Variants in WDHD1 observed in about 807,000 individuals in gnomAD.
The protein encoded by WDHD1 is WD repeat and HMG-box DNA binding protein 1.
WDHD1 carries 111 observed loss-of-function variants against 135.4 expected under a neutral mutation model. The observed-to-expected ratio is 0.82, with a 90% CI of 0.70 to 0.96. WDHD1 has a LOEUF of 0.96. Among genes scored for constraint, WDHD1 ranks in the 40% least tolerant of loss-of-function variants. WDHD1 has a pLI of 0.00. For missense variants in WDHD1, 1,351 were observed against 1,336.3 expected (o/e 1.01, Z -0.17); for synonymous variants, 434 against 439.0 (o/e 0.99, Z 0.14).
intron 16 of WDHD1, among the ~76,000 whole-genome samples, chr14:54,968,912 T>C (rs978116668): frequency 6.6e-6 from 1 of 152,148 alleles, no homozygotes; most frequent in Non-Finnish European, 1.5e-5. Flanking sequence ...TGTGGTGGTG[T>C]GTATCTGTAG....
chr14:54,984,087 T>C (rs1203030606), intron 15 of WDHD1, among the ~76,000 whole-genome samples: 1 of 152,260 alleles, frequency 6.6e-6, no homozygotes, highest in Admixed American at 6.5e-5. Context: ...GTTTTCTGTA[T>C]GATCTGCTGG....
rs1004309832 is a variant in WDHD1 at position 55,027,079 on chromosome 14, C to G, written c.-68G>C. ...GGATCCACAAGAGCTGCTTCCCGCG[C>G]TTCGGCTCGCTCACCACACTGCGCC... On this transcript the variant is annotated 5_prime_UTR_variant, in exon 1 of 26. Coordinates refer to ENST00000360586, the MANE Select transcript of WDHD1 (RefSeq NM_007086.4). 1 of 391,820 alleles carries G rather than the reference C, an allele frequency of 2.6e-6. No homozygotes were observed. Among genetic ancestry groups the G allele is most frequent in the African/African-American group, 2.0e-5 (1 of 49,562 alleles). 24.3% of individuals were successfully genotyped at this position (391,820 alleles called of 1,614,324 possible).
chr14:54,994,424 A>G (rs976461003), intron 11 of WDHD1, among the ~76,000 whole-genome samples: 5 of 152,210 alleles, frequency 3.3e-5, no homozygotes, highest in Non-Finnish European at 5.9e-5. Flanking sequence ...TAATATTTCT[A>G]AAGTTTAAAG....
chr14:55,024,675 C>A (rs1451839671), intron 2 of WDHD1, among the ~76,000 whole-genome samples: 1 of 149,520 alleles, frequency 6.7e-6, no homozygotes, highest in Non-Finnish European at 1.5e-5. Context: ...TAATCTATAA[C>A]CTTACCCCCA....
intron 18 of WDHD1, among the ~76,000 whole-genome samples, chr14:54,965,696 C>A (rs1453521353): frequency 2.0e-5 from 3 of 152,148 alleles, no homozygotes; most frequent in Admixed American, 6.6e-5. Flanking sequence ...TGGCTCATGC[C>A]TGTGATCCCA....
At position 54,968,552 on chromosome 14, in the gene WDHD1, A is replaced by G. The variant is rs1447547133; in HGVS notation, c.2064-1158T>C. ...AAATTGAGACTAAAGAATCCATACA[A>G]AGGATCAATAAAACAAAAAAAATTG... On this transcript the variant is annotated intron_variant, in intron 16 of 25. Coordinates refer to ENST00000360586, the MANE Select transcript of WDHD1 (RefSeq NM_007086.4). Among the ~76,000 whole-genome samples, 4 of 152,146 alleles carry G rather than the reference A, an allele frequency of 2.6e-5. No individual in the cohort carries two copies. The South Asian group carries it at 6.2e-4, about 24-fold the overall frequency.
intron 23 of WDHD1, among the ~76,000 whole-genome samples, 170 bp from the exon 24 acceptor site, chr14:54,955,864 C>CA (rs2041147176): frequency 3.6e-5 from 5 of 139,316 alleles, no homozygotes; most frequent in African/African-American, 1.1e-4. Context: ...CATGCAAAAC[C>CA]AAAAAACTAC....
At chr14:55,006,419 A>G (rs1322475131) in intron 7 of WDHD1, among the ~76,000 whole-genome samples, 1 of 152,136 alleles carries the variant, frequency 6.6e-6, no homozygotes. Flanking sequence ...CTAAATGGCT[A>G]TTGTTTGTAT....
At chr14:55,015,734 T>C (rs2042250925) in intron 2 of WDHD1, among the ~76,000 whole-genome samples, 1 of 151,830 alleles carries the variant, frequency 6.6e-6, no homozygotes, top group African/African-American at 2.4e-5. Flanking sequence ...AGTCTCACTC[T>C]GTCGCCCAGG....
intron 12 of WDHD1, among the ~76,000 whole-genome samples, chr14:54,990,768 T>A (rs764559076): frequency 9.2e-5 from 14 of 152,122 alleles, no homozygotes; most frequent in Non-Finnish European, 1.6e-4. Context: ...TTCTGGTGGG[T>A]GGTGGAGTGA....
chr14:54,950,627 C>T (rs187778753), intron 24 of WDHD1, among the ~76,000 whole-genome samples: 163 of 152,246 alleles, frequency 1.1e-3, no homozygotes, highest in African/African-American at 3.6e-3. Context: ...GAATTGAACT[C>T]AGCTCTGCAC....
chr14:54,956,734 T>A (rs1014670836), intron 23 of WDHD1, among the ~76,000 whole-genome samples: 19 of 152,136 alleles, frequency 1.2e-4, no homozygotes, highest in Non-Finnish European at 2.5e-4. Flanking sequence ...GGAGTGATTC[T>A]GAAACAAAAA....
intron 7 of WDHD1, among the ~76,000 whole-genome samples, chr14:55,006,541 T>C (rs1345475144): frequency 1.3e-5 from 2 of 152,194 alleles, no homozygotes; most frequent in African/African-American, 4.8e-5. Context: ...CCCAGTTGAT[T>C]TTCTTGGGAT....
rs1393558447 is a variant in WDHD1 at position 55,027,093 on chromosome 14, C to T, written c.-82G>A. On this transcript the variant is annotated 5_prime_UTR_variant, in exon 1 of 26. In the 5' UTR this introduces an upstream ATG that the reference lacks. Transcript: ENST00000360586. ...TGCTTCCCGCGCTTCGGCTCGCTCA[C>T]CACACTGCGCCTGCGCCGACCCGCC... The T allele has an allele frequency of 8.1e-6, 3 of 369,488 alleles. No individual in the cohort carries two copies. Among genetic ancestry groups the T allele is most frequent in the African/African-American group, 2.0e-5 (1 of 48,936 alleles). The allele number at this position is 369,488 out of a possible 1,614,324, so 22.9% of individuals were successfully genotyped here. A position where few individuals can be genotyped will look rare whatever the true frequency, so the allele number is the denominator to read the frequency against.
intron 24 of WDHD1, among the ~76,000 whole-genome samples, chr14:54,946,318 C>T (rs1388794644): frequency 6.6e-6 from 1 of 152,194 alleles, no homozygotes; most frequent in African/African-American, 2.4e-5. Context: ...TTCTGAGTGG[C>T]TAGGACTACA....
At chr14:54,966,353 AAC>A (rs2041344268) in intron 18 of WDHD1, 120 bp downstream of exon 18, 16 of 1,275,182 alleles carry the variant, frequency 1.3e-5, no homozygotes, top group Admixed American at 3.1e-5. Context: ...CAACAACAAC[AAC>A]AAAAAAAAAC....
intron 2 of WDHD1, among the ~76,000 whole-genome samples, chr14:55,025,951 C>T (rs1353934974): frequency 1.3e-5 from 2 of 152,208 alleles, no homozygotes; most frequent in African/African-American, 2.4e-5. Context: ...AGAAGCCTTC[C>T]CTGACTCCTT....
At chr14:55,022,387 C>G (rs1275026250) in intron 2 of WDHD1, among the ~76,000 whole-genome samples, 1 of 152,154 alleles carries the variant, frequency 6.6e-6, no homozygotes, top group Non-Finnish European at 1.5e-5. Flanking sequence ...TGCCTTAAAT[C>G]TTAGTGCTCA....
chr14:54,941,838 C>A (rs1280466222), intron 25 of WDHD1, 148 bp from the exon 26 acceptor site: 1 of 663,772 alleles, frequency 1.5e-6, no homozygotes, highest in Non-Finnish European at 2.5e-6. Flanking sequence ...GTTAACAAAT[C>A]TTTTATTACT....
Sources: allele counts gnomAD v4.1 joint callset (sites outside exome capture counted in the v4.1 genomes callset), GRCh38; gene constraint gnomAD v4.1.1; transcripts MANE v1.5; gene names NCBI Gene and HGNC (gene_info 2026-07-23, HGNC 2026-07-21).